MINDY4: variants seen among roughly 807,000 people sequenced by gnomAD.
MINDY4 encodes probable ubiquitin carboxyl-terminal hydrolase MINDY-4.
A neutral mutation model predicts 87.0 loss-of-function variants in MINDY4; 68 were observed. That is an observed-to-expected ratio of 0.78 (90% CI 0.64 to 0.96). The LOEUF is 0.96. Among genes scored for constraint, MINDY4 ranks in the 40% least tolerant of loss-of-function variants. MINDY4 has a pLI of 0.00. For missense variants in MINDY4, 919 were observed against 928.2 expected (o/e 0.99, Z 0.13); for synonymous variants, 379 against 363.2 (o/e 1.04, Z -0.50).
chr7:30,883,571 G>T (rs1027167651), intron 17 of MINDY4, among the ~76,000 whole-genome samples: 3 of 152,202 alleles, frequency 2.0e-5, no homozygotes, highest in Non-Finnish European at 4.4e-5. Flanking sequence ...TGAGGCTCAG[G>T]CCAGGGGAGG....
intron 17 of MINDY4, among the ~76,000 whole-genome samples, chr7:30,885,982 C>G (rs1285500699): frequency 6.6e-6 from 1 of 152,168 alleles, no homozygotes; most frequent in Non-Finnish European, 1.5e-5. Flanking sequence ...AACACTGCCC[C>G]CATACCCACC....
intron 15 of MINDY4, among the ~76,000 whole-genome samples, chr7:30,879,999 G>T (rs754286918): frequency 6.6e-6 from 1 of 152,146 alleles, no homozygotes; most frequent in Non-Finnish European, 1.5e-5. Flanking sequence ...GAAATGTGTG[G>T]GTTTGATTAT....
At chr7:30,856,686 C>A (rs1003701052) in intron 12 of MINDY4, among the ~76,000 whole-genome samples, 1 of 152,004 alleles carries the variant, frequency 6.6e-6, no homozygotes. Context: ...GAAGGAGAAA[C>A]TGAGACCAAG....
At chr7:30,841,073 C>G (rs190465700) in intron 9 of MINDY4, among the ~76,000 whole-genome samples, 1 of 152,076 alleles carries the variant, frequency 6.6e-6, no homozygotes, top group Non-Finnish European at 1.5e-5. Context: ...CAGTGGTGCT[C>G]CACCTGGGAA....
intron 1 of MINDY4, among the ~76,000 whole-genome samples, chr7:30,774,370 CCT>C (rs1454823522): frequency 1.3e-5 from 2 of 152,166 alleles, no homozygotes; most frequent in Non-Finnish European, 2.9e-5. Context: ...GTGTGCATGC[CCT>C]CTCTTGTGTG....
In MINDY4 at chr7:30,853,386, C is replaced by T; in HGVS notation, c.1612-8C>T. 1 of 1,612,650 alleles carries T rather than the reference C, an allele frequency of 6.2e-7. No homozygotes were observed. The highest frequency in any genetic ancestry group is 8.5e-7 in the Non-Finnish European group (1 of 1,179,248). ...GGCCACTCATCCTGAGTGTTTGTGT[C>T]TTCTCAGCTTACGCTTCACAGTTTG... On this transcript the variant is annotated splice_polypyrimidine_tract_variant and splice_region_variant and intron_variant, in intron 11 of 17. Transcript: ENST00000265299.
Position 30,850,552 on chromosome 7 carries a change from C to T in MINDY4, c.1544C>T (p.Ala515Val), listed in dbSNP as rs1789383889. Residue 515 changes from alanine (A) to valine (V), a missense_variant, in exon 10 of 18, where the codon GCA becomes GTA. By Grantham distance (64) the Ala-to-Val change is moderately conservative. Transcript: ENST00000265299. ...GGGGGCCGAGAGAGAGCCGTTGTTG[C>T]ACTGTAAGTGGTTCCGAGGTCTGTG... is the stretch of plus-strand genomic sequence containing the variant. ...RAGGRERAVV[A>V]LASRTQQFSP... 3 of 1,600,500 alleles carry T rather than the reference C, an allele frequency of 1.9e-6. No individual in the cohort carries two copies. Among genetic ancestry groups the T allele is most frequent in the Admixed American group, 1.7e-5 (1 of 58,414 alleles).
chr7:30,866,137 C>T (rs1242916204), intron 13 of MINDY4, among the ~76,000 whole-genome samples: 1 of 152,184 alleles, frequency 6.6e-6, no homozygotes, highest in Non-Finnish European at 1.5e-5. Flanking sequence ...GAGGGGTCCA[C>T]CTGGTACAGC....
chr7:30,853,971 C>G (rs1789494577), intron 12 of MINDY4, among the ~76,000 whole-genome samples: 1 of 149,598 alleles, frequency 6.7e-6, no homozygotes, highest in Non-Finnish European at 1.5e-5. Context: ...GGTGGGGGCT[C>G]TGGAGCCCCC....
intron 13 of MINDY4, among the ~76,000 whole-genome samples, chr7:30,863,705 T>C (rs1432455049): frequency 6.6e-6 from 1 of 152,178 alleles, no homozygotes; most frequent in Admixed American, 6.5e-5. Flanking sequence ...GGCCACTTCA[T>C]TGTCAGAGGC....
At chr7:30,773,063 A>C (rs770767515) in intron 1 of MINDY4, among the ~76,000 whole-genome samples, 6 of 151,984 alleles carry the variant, frequency 3.9e-5, no homozygotes, top group Non-Finnish European at 8.8e-5. Context: ...CTAAGGCCCT[A>C]AGAGTAGAAA....
At chr7:30,879,201 G>C (rs187178353) in intron 15 of MINDY4, among the ~76,000 whole-genome samples, 144 of 152,326 alleles carry the variant, frequency 9.5e-4, no homozygotes, top group African/African-American at 3.3e-3. Context: ...TTAAGGAAAT[G>C]ATTAAGGTAA....
At chr7:30,832,428 A>T (rs140355783) in intron 6 of MINDY4, among the ~76,000 whole-genome samples, 6 of 152,214 alleles carry the variant, frequency 3.9e-5, no homozygotes, top group African/African-American at 1.4e-4. Flanking sequence ...TTAATCACAC[A>T]TCTCTTTTCC....
At chr7:30,782,319 A>G (rs1787028957) in intron 3 of MINDY4, 107 bp downstream of exon 3, 3 of 813,058 alleles carry the variant, frequency 3.7e-6, no homozygotes, top group South Asian at 3.5e-5. Context: ...AACAGAATCA[A>G]TATAGTCTCT....
intron 12 of MINDY4, among the ~76,000 whole-genome samples, chr7:30,853,843 A>G (rs1233000763): frequency 6.6e-6 from 1 of 152,216 alleles, no homozygotes; most frequent in Non-Finnish European, 1.5e-5. Context: ...TTGTCAGTGG[A>G]GTGGGTCCTG....
intron 13 of MINDY4, among the ~76,000 whole-genome samples, chr7:30,871,028 C>T (rs893839071): frequency 6.6e-6 from 1 of 151,640 alleles, no homozygotes; most frequent in Non-Finnish European, 1.5e-5. Flanking sequence ...CGTGTGTGCC[C>T]CCAGGGTTGT....
At chr7:30,808,974 A>T (rs1435634198) in intron 5 of MINDY4, among the ~76,000 whole-genome samples, 1 of 152,020 alleles carries the variant, frequency 6.6e-6, no homozygotes, top group Non-Finnish European at 1.5e-5. Flanking sequence ...AGAGAGAAAG[A>T]GACAAATGGG....
At chr7:30,836,492 G>A (rs1483792690) in intron 6 of MINDY4, among the ~76,000 whole-genome samples, 166 bp from the exon 7 acceptor site, 1 of 152,202 alleles carries the variant, frequency 6.6e-6, no homozygotes, top group Admixed American at 6.5e-5. Context: ...TTCCGCTAAG[G>A]GTCTGGGAAC....
chr7:30,861,811 G>T (rs1002804794), intron 13 of MINDY4, among the ~76,000 whole-genome samples: 8 of 152,234 alleles, frequency 5.3e-5, no homozygotes, highest in Admixed American at 5.2e-4. Flanking sequence ...GGTGGAGGCC[G>T]TGCTGCCATC....
Sources: allele counts gnomAD v4.1 joint callset (sites outside exome capture counted in the v4.1 genomes callset), GRCh38; gene constraint gnomAD v4.1.1; transcripts MANE v1.5; gene names NCBI Gene and HGNC (gene_info 2026-07-23, HGNC 2026-07-21).